USP15: variants seen among roughly 807,000 people sequenced by gnomAD.
USP15 encodes the protein ubiquitin specific peptidase 15, also known as ubiquitin carboxyl-terminal hydrolase 15.
In USP15, 18 loss-of-function variants were observed where a neutral mutation model predicts 127.1. That is an observed-to-expected ratio of 0.14 (90% CI 0.10 to 0.21). The LOEUF (loss-of-function observed/expected upper bound fraction) is 0.21, where lower values mean the gene tolerates loss of function less well. Among genes scored for constraint, USP15 ranks in the 10% least tolerant of loss-of-function variants. USP15 has a pLI of 1.00. For synonymous variants in USP15, 364 were observed against 393.7 expected, an observed-to-expected ratio of 0.92 and a Z score of 0.89; for missense variants, 805 against 1,159.9, an observed-to-expected ratio of 0.69 and a Z score of 4.44.
At chr12:62,342,539 G>A (rs2065676715) in intron 6 of USP15, among the ~76,000 whole-genome samples, 1 of 152,134 alleles carries the variant, frequency 6.6e-6, no homozygotes. Flanking sequence ...TCATCTTCAT[G>A]ATTTGTCTAC....
chr12:62,369,891 A>C (rs564715782), intron 8 of USP15, among the ~76,000 whole-genome samples: 25 of 152,278 alleles, frequency 1.6e-4, no homozygotes, highest in African/African-American at 5.8e-4. Flanking sequence ...CATACCAAAA[A>C]TATATGTGTC....
At position 62,389,791 on chromosome 12, in the gene USP15, T is replaced by C. The variant is rs779622085; in HGVS notation, c.1653-6T>C. 13 of 1,607,400 alleles carry C rather than the reference T, an allele frequency of 8.1e-6. No homozygotes were observed. In the African/African-American group the frequency reaches 1.3e-4, roughly 17 times the overall value. ...TGAGAGTTTATGGTCAGTTTTGTCC[T>C]TGTAGGTTTGAAATTAACATCAATA... On this transcript the variant is annotated splice_polypyrimidine_tract_variant and splice_region_variant and intron_variant, in intron 13 of 21. Transcript: ENST00000280377.
chr12:62,372,011 T>G (rs1217820701), intron 8 of USP15, among the ~76,000 whole-genome samples: 1 of 152,102 alleles, frequency 6.6e-6, no homozygotes. Context: ...ATTAGTGAAA[T>G]GTACATCAAG....
At chr12:62,396,964 G>A (rs957163853) in intron 20 of USP15, among the ~76,000 whole-genome samples, 4 of 152,074 alleles carry the variant, frequency 2.6e-5, no homozygotes, top group African/African-American at 7.2e-5. Context: ...TTTGGGCTGC[G>A]TGCCCAAAAG....
intron 1 of USP15, among the ~76,000 whole-genome samples, chr12:62,269,208 G>A (rs957728764): frequency 4.6e-5 from 7 of 152,014 alleles, no homozygotes; most frequent in Non-Finnish European, 7.4e-5. Flanking sequence ...CACAAATCTA[G>A]ATGGGATTGC....
At chr12:62,396,082 C>T (rs1321655491) in intron 19 of USP15, among the ~76,000 whole-genome samples, 7 of 151,718 alleles carry the variant, frequency 4.6e-5, no homozygotes, top group African/African-American at 1.7e-4. Context: ...TTTGCCAAAA[C>T]ATTAATATCT....
At chr12:62,320,932 A>G (rs1414948589) in intron 4 of USP15, among the ~76,000 whole-genome samples, 1 of 152,140 alleles carries the variant, frequency 6.6e-6, no homozygotes, top group Non-Finnish European at 1.5e-5. Context: ...ACGTGACTTT[A>G]CTTTGAAAAT....
chr12:62,315,809 A>G (rs992369405), intron 4 of USP15, among the ~76,000 whole-genome samples: 15 of 152,116 alleles, frequency 9.9e-5, no homozygotes, highest in African/African-American at 3.1e-4. Flanking sequence ...CCACTTACCC[A>G]CTTCACAGCT....
At chr12:62,336,432 C>G in intron 6 of USP15, 2 of 985,424 alleles carry the variant, frequency 2.0e-6, no homozygotes, top group Non-Finnish European at 1.2e-6. Flanking sequence ...CTTCTCTTGT[C>G]TAGTTAGTCA....
intron 8 of USP15, among the ~76,000 whole-genome samples, chr12:62,371,736 G>A (rs1421434801): frequency 6.6e-6 from 1 of 152,056 alleles, no homozygotes; most frequent in Admixed American, 6.6e-5. Context: ...GTGCCTTCTA[G>A]GTCATTGAGA....
At position 62,356,216 on chromosome 12, in the gene USP15, C is replaced by A. The variant is rs2066125277; in HGVS notation, c.915+741C>A. ...GAATTTTAACCTTTTTTTCGTCAGT[C>A]TCTTGTGAATTCTGGATTTTTAGTT... On this transcript the variant is annotated intron_variant, in intron 8 of 21. Transcript: ENST00000280377. Among the ~76,000 whole-genome samples, 5 of 151,748 alleles carry A rather than the reference C, an allele frequency of 3.3e-5. No individual in the cohort carries two copies. The South Asian group carries it at 1.0e-3, about 32-fold the overall frequency.
At chr12:62,353,285 G>T (rs150690027) in intron 7 of USP15, among the ~76,000 whole-genome samples, 1 of 152,088 alleles carries the variant, frequency 6.6e-6, no homozygotes, top group East Asian at 1.9e-4. Context: ...CCAAAAAACT[G>T]CTTTGCAAGT....
chr12:62,378,168 C>G (rs2066888716), intron 8 of USP15, among the ~76,000 whole-genome samples: 1 of 152,126 alleles, frequency 6.6e-6, no homozygotes, highest in South Asian at 2.1e-4. Context: ...GATTGTGCCA[C>G]TGCACTCCAG....
At chr12:62,392,698 G>A (rs375101718) in intron 18 of USP15, among the ~76,000 whole-genome samples, 48 of 152,178 alleles carry the variant, frequency 3.2e-4, no homozygotes, top group Middle Eastern at 6.8e-3. Flanking sequence ...GAAAAATGTA[G>A]TGATATATTT....
At chr12:62,266,544 A>G (rs994363869) in intron 1 of USP15, among the ~76,000 whole-genome samples, 3 of 152,214 alleles carry the variant, frequency 2.0e-5, no homozygotes, top group African/African-American at 7.2e-5. Flanking sequence ...AATTTATCTT[A>G]TGATGTGAGT....
rs752611827 is a variant in USP15 at position 62,384,305 on chromosome 12, A to G, written c.1473+3A>G. 6.3e-7 allele frequency: 1 copy of G among 1,577,828 alleles called. No individual in the cohort carries two copies. The highest frequency in any genetic ancestry group is 1.2e-5 in the South Asian group (1 of 85,552). On this transcript the variant is annotated splice_donor_region_variant and intron_variant, in intron 11 of 21. Transcript: ENST00000280377. ...ATCCACTTACCAAACCTATGCAGGT[A>G]AATCATGGGTTGGTTTGTTTTGTTT...
chr12:62,396,149 G>C (rs994165970), intron 19 of USP15, 146 bp from the exon 20 acceptor site: 3 of 339,844 alleles, frequency 8.8e-6, no homozygotes, highest in African/African-American at 4.3e-5. Context: ...AATTTCCTTA[G>C]TGAGATATAT....
chr12:62,315,874 C>A (rs184254306), intron 4 of USP15, among the ~76,000 whole-genome samples: 26 of 152,262 alleles, frequency 1.7e-4, no homozygotes, highest in African/African-American at 6.3e-4. Flanking sequence ...TTCAAGTACT[C>A]AGTGCTTGGT....
At chr12:62,284,054 A>T (rs1323192166) in intron 1 of USP15, among the ~76,000 whole-genome samples, 1 of 152,242 alleles carries the variant, frequency 6.6e-6, no homozygotes, top group African/African-American at 2.4e-5. Flanking sequence ...GTTTCTAGGA[A>T]CGAATTTAGC....
Sources: allele counts gnomAD v4.1 joint callset (sites outside exome capture counted in the v4.1 genomes callset), GRCh38; gene constraint gnomAD v4.1.1; transcripts MANE v1.5; gene names NCBI Gene and HGNC (gene_info 2026-07-23, HGNC 2026-07-21).